Variants in COL26A1 observed in about 807,000 individuals in gnomAD.
COL26A1 encodes collagen type XXVI alpha 1 chain, also known as collagen alpha-1(XXVI) chain.
In COL26A1, 41 loss-of-function variants were observed where a neutral mutation model predicts 59.3. The ratio of observed to expected loss-of-function variants is 0.69; its 90% CI spans 0.54 to 0.90. COL26A1 has a LOEUF of 0.90. COL26A1 is among the 40% of genes least tolerant of loss of function. The pLI, the probability that COL26A1 is intolerant of heterozygous loss-of-function variation, is 0.00. For missense variants in COL26A1, 612 were observed against 602.3 expected (o/e 1.02, Z -0.17); for synonymous variants, 266 against 256.0 (o/e 1.04, Z -0.37).
intron 3 of COL26A1, among the ~76,000 whole-genome samples, chr7:101,494,127 C>CGTTTTATTTT (rs71106542): frequency 1.3e-5 from 2 of 151,396 alleles, no homozygotes; most frequent in Non-Finnish European, 2.9e-5. Flanking sequence ...ATTGCATTGT[C>CGTTTTATTTT]GTTTTGTTTT....
At chr7:101,523,328 CA>C (rs531719601) in intron 3 of COL26A1, among the ~76,000 whole-genome samples, 14 of 152,182 alleles carry the variant, frequency 9.2e-5, no homozygotes, top group Non-Finnish European at 1.9e-4. Context: ...CTCAGCCTCC[CA>C]AAGTGCTGGA....
chr7:101,455,041 CTTTT>C (rs56039517), intron 3 of COL26A1, among the ~76,000 whole-genome samples: 43,607 of 133,626 alleles, frequency 0.33, 6,916 homozygotes, highest in Non-Finnish European at 0.39. Context: ...TTTTCTTTAT[CTTTT>C]TTTTTTTTTT....
intron 1 of COL26A1, among the ~76,000 whole-genome samples, chr7:101,413,690 GAGGA>G (rs1372717103): frequency 6.6e-6 from 1 of 152,182 alleles, no homozygotes; most frequent in Non-Finnish European, 1.5e-5. Flanking sequence ...GAAGGGAAAT[GAGGA>G]AGGAACATTG....
intron 3 of COL26A1, among the ~76,000 whole-genome samples, chr7:101,454,666 C>G (rs1398599332): frequency 6.6e-6 from 1 of 152,094 alleles, no homozygotes; most frequent in Non-Finnish European, 1.5e-5. Flanking sequence ...CTGAAGTGCT[C>G]TCTGGTATCC....
chr7:101,459,306 T>C (rs907869978), intron 3 of COL26A1, among the ~76,000 whole-genome samples: 41 of 152,088 alleles, frequency 2.7e-4, no homozygotes, highest in African/African-American at 9.2e-4. Flanking sequence ...GTTTGTTTGT[T>C]GTTTGTTTTT....
intron 3 of COL26A1, among the ~76,000 whole-genome samples, chr7:101,449,566 T>A (rs1206626032): frequency 6.6e-6 from 1 of 151,964 alleles, no homozygotes; most frequent in Non-Finnish European, 1.5e-5. Context: ...CCCAGGAGTT[T>A]GAGACCAGCC....
In COL26A1 at chr7:101,526,776, G is replaced by A. The variant is rs559926955; in HGVS notation, c.386-6306G>A. On this transcript the variant is annotated intron_variant, in intron 3 of 12. Coordinates refer to ENST00000313669, the MANE Select transcript of COL26A1 (RefSeq NM_001278563.3). ...GTGAGAGGCCGAGGAGGAGGTCACCGGTGGCAAGAGTGAAGAGTCCTGGAG... is the reference window on the plus strand; with the variant it reads ...GTGAGAGGCCGAGGAGGAGGTCACCAGTGGCAAGAGTGAAGAGTCCTGGAG... Among the ~76,000 whole-genome samples, 30 of 152,298 alleles carry A rather than the reference G, an allele frequency of 2.0e-4. No homozygotes were observed. In the East Asian group the frequency reaches 4.3e-3, roughly 22 times the overall value.
chr7:101,498,476 G>A (rs562736846), intron 3 of COL26A1, among the ~76,000 whole-genome samples: 1 of 152,314 alleles, frequency 6.6e-6, no homozygotes, highest in South Asian at 2.1e-4. Flanking sequence ...AGTGTGGCAT[G>A]AGCACTGCGC....
intron 1 of COL26A1, among the ~76,000 whole-genome samples, chr7:101,373,825 C>CCCTCTCTTCATCTCACT (rs1230512456): frequency 1.3e-5 from 2 of 152,122 alleles, no homozygotes; most frequent in South Asian, 4.1e-4. Context: ...TCTGAATCTT[C>CCCTCTCTTCATCTCACT]CCTCTCTTCA....
rs752529310 is a variant in COL26A1, at chr7:101,363,070, G to T, written c.38G>T (p.Cys13Phe). 1 of 1,581,244 alleles carries T rather than the reference G, an allele frequency of 6.3e-7. No homozygotes were observed. The highest frequency in any genetic ancestry group is 8.5e-7 in the Non-Finnish European group (1 of 1,172,436). The change falls in exon 1 of 13, where the codon TGC (cysteine) becomes TTC (phenylalanine). Residue 13 changes from cysteine to phenylalanine, a missense_variant. Physicochemically the swap from Cys to Phe is radical, Grantham distance 205 (BLOSUM62 -2). Transcript: ENST00000313669. ...LALLLPWACC[C>F]LCGSALATGF... ...CTGCTCCTGCCCTGGGCGTGTTGCT[G>T]CCTCTGCGGGTCGGCGCTGGCCACC...
In COL26A1 at chr7:101,370,297, C is replaced by A. The variant is rs181017980; in HGVS notation, c.158+7107C>A. On this transcript the variant is annotated intron_variant, in intron 1 of 12. Coordinates refer to ENST00000313669, the MANE Select transcript of COL26A1 (RefSeq NM_001278563.3). ...CTTGGGGCAAGACTAAAGATGAAGACCATTCACCATTTGGCTAGATATTTA... is the reference window on the plus strand; with the variant it reads ...CTTGGGGCAAGACTAAAGATGAAGAACATTCACCATTTGGCTAGATATTTA... Among the ~76,000 whole-genome samples, 8 of 152,334 alleles carry A rather than the reference C, an allele frequency of 5.3e-5. No individual in the cohort carries two copies. The East Asian group carries it at 1.5e-3, about 29-fold the overall frequency.
chr7:101,503,955 A>G (rs62465086), intron 3 of COL26A1, among the ~76,000 whole-genome samples: 287 of 152,310 alleles, frequency 1.9e-3, no homozygotes, highest in Middle Eastern at 0.017. Context: ...GAAGGGGACC[A>G]TGTGTCACGC....
At chr7:101,371,136 T>A (rs1287080098) in intron 1 of COL26A1, among the ~76,000 whole-genome samples, 1 of 152,154 alleles carries the variant, frequency 6.6e-6, no homozygotes, top group East Asian at 1.9e-4. Flanking sequence ...AGGCATTTAA[T>A]CACCTTGCAT....
intron 3 of COL26A1, among the ~76,000 whole-genome samples, chr7:101,527,210 A>G (rs1795265695): frequency 6.6e-6 from 1 of 151,666 alleles, no homozygotes; most frequent in South Asian, 2.1e-4. Context: ...GGCCCAAGCG[A>G]TCCTCCCACC....
rs148747162 is a variant in COL26A1 at position 101,470,606 on chromosome 7, A to G, written c.385+22819A>G. On this transcript the variant is annotated intron_variant, in intron 3 of 12. Coordinates refer to ENST00000313669, the MANE Select transcript of COL26A1 (RefSeq NM_001278563.3). ...AATCTCTTTCTATCTCCTGTATCACATAGGCCAGTATGGAGGGTGGGGACG... is the reference window on the plus strand; with the variant it reads ...AATCTCTTTCTATCTCCTGTATCACGTAGGCCAGTATGGAGGGTGGGGACG... Among the ~76,000 whole-genome samples the G allele has an allele frequency of 3.8e-3, 581 of 152,068 alleles. 2 individuals are homozygous for G. Among genetic ancestry groups the G allele is most frequent in the South Asian group, 0.012 (58 of 4,820 alleles).
intron 3 of COL26A1, among the ~76,000 whole-genome samples, chr7:101,470,518 G>T (rs1196417336): frequency 6.6e-6 from 1 of 151,938 alleles, no homozygotes; most frequent in Non-Finnish European, 1.5e-5. Flanking sequence ...TGATTTGGGG[G>T]CTGCTTTTTG....
chr7:101,525,606 C>G (rs1031974081), intron 3 of COL26A1, among the ~76,000 whole-genome samples: 5 of 151,528 alleles, frequency 3.3e-5, no homozygotes, highest in Admixed American at 2.6e-4. Flanking sequence ...AAGCAATTCT[C>G]CTGCCTCAGC....
intron 9 of COL26A1, 151 bp from the exon 10 acceptor site, chr7:101,550,957 G>A (rs1795846510): frequency 1.2e-6 from 1 of 830,922 alleles, no homozygotes; most frequent in Non-Finnish European, 2.0e-6. Flanking sequence ...AGGCCTTTGA[G>A]TCTGCCCTTC....
At chr7:101,443,481 G>A (rs891687468) in intron 2 of COL26A1, among the ~76,000 whole-genome samples, 8 of 152,264 alleles carry the variant, frequency 5.3e-5, no homozygotes, top group South Asian at 2.1e-4. Context: ...GTCTCCAAAC[G>A]TCGCGCCTGC....
Sources: gnomAD v4.1 joint callset for allele counts (sites outside exome capture counted in the v4.1 genomes callset) on GRCh38, gnomAD v4.1.1 for gene constraint, MANE v1.5 for transcripts, NCBI Gene and HGNC (gene_info 2026-07-23, HGNC 2026-07-21) for gene names.